The following PRKAG2 variants were observed in gnomAD, a reference collection of about 807,000 sequenced individuals.
PRKAG2 encodes protein kinase AMP-activated non-catalytic subunit gamma 2.
Under a neutral mutation model 69.6 loss-of-function variants are expected in PRKAG2, and 26 were observed. The observed-to-expected ratio is 0.37, with a 90% CI of 0.27 to 0.52. The LOEUF (loss-of-function observed/expected upper bound fraction) is 0.52, where lower values mean the gene tolerates loss of function less well. PRKAG2 is among the 20% of genes least tolerant of loss of function. The pLI is 0.90. For missense variants in PRKAG2, 557 were observed against 740.0 expected (o/e 0.75, Z 2.87); for synonymous variants, 293 against 285.0 (o/e 1.03, Z -0.28).
At chr7:151,696,635 A>G (rs1585844042) in intron 3 of PRKAG2, among the ~76,000 whole-genome samples, 1 of 152,182 alleles carries the variant, frequency 6.6e-6, no homozygotes. Context: ...GCAACCTTCC[A>G]CCCACCATCA....
chr7:151,647,051 A>T (rs1282343920), intron 4 of PRKAG2, among the ~76,000 whole-genome samples: 1 of 152,222 alleles, frequency 6.6e-6, no homozygotes, highest in East Asian at 1.9e-4. Flanking sequence ...TCAGGGTTGG[A>T]GAGAGCCAGA....
chr7:151,647,501 G>A (rs1206758652), intron 4 of PRKAG2, among the ~76,000 whole-genome samples: 3 of 152,168 alleles, frequency 2.0e-5, no homozygotes, highest in Non-Finnish European at 2.9e-5. Flanking sequence ...CTGCATTGTG[G>A]GCACAAATGC....
intron 1 of PRKAG2, among the ~76,000 whole-genome samples, chr7:151,794,602 C>G (rs2077408677): frequency 6.6e-6 from 1 of 152,200 alleles, no homozygotes; most frequent in Admixed American, 6.5e-5. Flanking sequence ...GGCAGCCAGG[C>G]CCCTCATGCG....
chr7:151,678,937 C>T (rs532659955), intron 3 of PRKAG2, among the ~76,000 whole-genome samples: 4 of 151,852 alleles, frequency 2.6e-5, no homozygotes, highest in Admixed American at 6.6e-5. Context: ...CCATTCCAGC[C>T]TGGGTGACAG....
At chr7:151,713,166 C>T (rs1423978128) in intron 3 of PRKAG2, among the ~76,000 whole-genome samples, 1 of 152,182 alleles carries the variant, frequency 6.6e-6, no homozygotes, top group African/African-American at 2.4e-5. Flanking sequence ...GCAAAACTCC[C>T]GGAAGGACAG....
intron 3 of PRKAG2, among the ~76,000 whole-genome samples, chr7:151,692,267 TA>T (rs1402918903): frequency 7.9e-5 from 12 of 151,988 alleles, no homozygotes; most frequent in Non-Finnish European, 2.9e-5. Flanking sequence ...TACTCAGTAA[TA>T]AAAAGGAAAG....
In PRKAG2 at chr7:151,845,758, G is replaced by A. The variant is rs561147607; in HGVS notation, c.114+30749C>T. ...GCCGCATTTCCCAAAACACTGCGGG[G>A]GCGGGAAAGGCCCCACCTAGGAGAT... On this transcript the variant is annotated intron_variant, in intron 1 of 15. Transcript: ENST00000287878. Among the ~76,000 whole-genome samples, 189 of 152,332 alleles carry A rather than the reference G, an allele frequency of 1.2e-3. 5 individuals are homozygous for A. In the South Asian group the frequency reaches 0.032, roughly 26 times the overall value.
At chr7:151,580,181 T>C (rs1810019213) in intron 6 of PRKAG2, among the ~76,000 whole-genome samples, 1 of 152,080 alleles carries the variant, frequency 6.6e-6, no homozygotes, top group African/African-American at 2.4e-5. Context: ...ACCCCATCTC[T>C]ACCAAAAATA....
In PRKAG2 at chr7:151,632,127, C is replaced by G; in HGVS notation, c.696G>C (p.Ala232=). 1.4e-6 allele frequency: 2 copies of G among 1,403,986 alleles called. No homozygotes were observed. The highest frequency in any genetic ancestry group is 1.9e-6 in the Non-Finnish European group (2 of 1,065,182). 87.0% of individuals were successfully genotyped at this position (1,403,986 alleles called of 1,614,324 possible). The change falls in exon 5 of 16, where the codon GCG becomes GCC. Residue 232 remains alanine, a synonymous_variant. Coordinates refer to ENST00000287878, the MANE Select transcript of PRKAG2 (RefSeq NM_016203.4). This position sits in a 1 kb window ranked among gnomAD's most constrained non-coding sequence, Gnocchi z 4.2. ...CGGCTTCCGCGGGTCCCAGGGCCGCCGCCAGCGCCGCCTGAGGGGGAGGAG... is the reference window on the plus strand; with the variant it reads ...CGGCTTCCGCGGGTCCCAGGGCCGCGGCCAGCGCCGCCTGAGGGGGAGGAG... ...HYAPSKAAAL[A]AALGPAEAGM...
chr7:151,641,949 G>A (rs912102767), intron 4 of PRKAG2, among the ~76,000 whole-genome samples: 2 of 149,432 alleles, frequency 1.3e-5, no homozygotes, highest in African/African-American at 4.9e-5. Flanking sequence ...ATCCTAGCAT[G>A]TTGGGAGGTT....
intron 3 of PRKAG2, among the ~76,000 whole-genome samples, chr7:151,759,017 T>G (rs1043795391): frequency 6.6e-6 from 1 of 152,164 alleles, no homozygotes; most frequent in Non-Finnish European, 1.5e-5. Flanking sequence ...GACATCTCTC[T>G]GCATTGCATC....
At chr7:151,580,851 A>G (rs1726994255) in intron 6 of PRKAG2, among the ~76,000 whole-genome samples, 1 of 152,144 alleles carries the variant, frequency 6.6e-6, no homozygotes, top group African/African-American at 2.4e-5. Flanking sequence ...GGATAAAAAA[A>G]TGTAGTTAGA....
intron 3 of PRKAG2, among the ~76,000 whole-genome samples, chr7:151,681,780 A>G (rs372392779): frequency 6.6e-6 from 1 of 152,286 alleles, no homozygotes; most frequent in East Asian, 1.9e-4. Flanking sequence ...ACTTTCTGCC[A>G]CAATCAAACT....
At position 151,742,762 on chromosome 7, in the gene PRKAG2, C is replaced by T. The variant is rs529040177; in HGVS notation, c.466+38390G>A. 7.6e-4 allele frequency among the ~76,000 whole-genome samples: 116 copies of T among 152,306 alleles called. 2 individuals are homozygous for T. In the South Asian group the frequency reaches 0.021, roughly 27 times the overall value. On this transcript the variant is annotated intron_variant, in intron 3 of 15. Transcript: ENST00000287878. ...ACACCGTACTCTGGAAGCACAAAGC[C>T]GGCTGCTTCCTCCCCGAGGCCACTT...
intron 3 of PRKAG2, among the ~76,000 whole-genome samples, chr7:151,737,277 G>A (rs2073498340): frequency 6.6e-6 from 1 of 151,692 alleles, no homozygotes; most frequent in South Asian, 2.1e-4. Flanking sequence ...AGGCTGAGGT[G>A]GGAGGATGGC....
rs1008816204 is a variant in PRKAG2 at position 151,577,991 on chromosome 7, TG to T, written c.865-1540del. On this transcript the variant is annotated intron_variant, in intron 6 of 15. Transcript: ENST00000287878. Reference sequence around the variant, plus strand: ...AAAGTGTTACATTATGGTATGGTTATGTTTTTTTTTTTTTAACTAAAAGTAA... The same window carrying T: ...AAAGTGTTACATTATGGTATGGTTATTTTTTTTTTTTTTAACTAAAAGTAA... Among the ~76,000 whole-genome samples the T allele has an allele frequency of 1.0e-4, 15 of 146,314 alleles. No individual in the cohort carries two copies. In the South Asian group the frequency reaches 1.1e-3, roughly 11 times the overall value.
intron 14 of PRKAG2, among the ~76,000 whole-genome samples, chr7:151,563,522 G>A (rs1805553660): frequency 3.9e-5 from 6 of 152,192 alleles, no homozygotes; most frequent in Admixed American, 3.9e-4. Context: ...ATATTCAAAT[G>A]GAACTTAAAG....
intron 4 of PRKAG2, among the ~76,000 whole-genome samples, chr7:151,662,554 C>G (rs1830482487): frequency 6.6e-6 from 1 of 152,140 alleles, no homozygotes; most frequent in East Asian, 1.9e-4. Flanking sequence ...TACTGGTTTT[C>G]TGGTTTAGTC....
intron 11 of PRKAG2, 161 bp downstream of exon 11, chr7:151,568,555 T>A: frequency 1.4e-6 from 1 of 705,080 alleles, no homozygotes; most frequent in African/African-American, 1.8e-5. Context: ...TTTAAGAATG[T>A]ACAATTCAGA....
Sources: gnomAD v4.1 joint callset for allele counts (sites outside exome capture counted in the v4.1 genomes callset) on GRCh38, gnomAD v4.1.1 for gene constraint, Gnocchi (gnomAD v3.1) non-coding constraint, MANE v1.5 for transcripts, NCBI Gene and HGNC (gene_info 2026-07-23, HGNC 2026-07-21) for gene names.